RPS6KC1: variants seen among roughly 807,000 people sequenced by gnomAD.
The protein encoded by RPS6KC1 is ribosomal protein S6 kinase C1.
RPS6KC1 carries 54 observed loss-of-function variants against 103.8 expected under a neutral mutation model. The observed-to-expected ratio is 0.52, with a 90% confidence interval of 0.42 to 0.65. The LOEUF is 0.65. Among genes scored for constraint, RPS6KC1 ranks in the 30% least tolerant of loss-of-function variants. The pLI, the probability that RPS6KC1 is intolerant of heterozygous loss-of-function variation, is 0.00. For missense variants in RPS6KC1, 1,151 were observed against 1,253.8 expected (o/e 0.92, Z 1.24); for synonymous variants, 439 against 438.7 (o/e 1.00, Z -0.01).
the RPS6KC1 span, among the ~76,000 whole-genome samples, chr1:213,384,280 A>AT: frequency 2.8e-3 from 406 of 145,210 alleles, no homozygotes; most frequent in African/African-American, 0.011. Context: ...CATCTCAAAA[A>AT]AAAATATATA....
At chr1:213,338,776 T>TG in the RPS6KC1 span, among the ~76,000 whole-genome samples, 1 of 151,828 alleles carries the variant, frequency 6.6e-6, no homozygotes, top group Non-Finnish European at 1.5e-5. Flanking sequence ...AGCATTTTTT[T>TG]TTTTTTTTTT....
chr1:213,531,868 A>T, the RPS6KC1 span, among the ~76,000 whole-genome samples: 1 of 152,148 alleles, frequency 6.6e-6, no homozygotes, highest in Non-Finnish European at 1.5e-5. Context: ...CCACTGAGCA[A>T]TTCCAGTGCT....
chr1:213,630,846 G>T, the RPS6KC1 span, among the ~76,000 whole-genome samples: 144 of 152,346 alleles, frequency 9.5e-4, no homozygotes, highest in Non-Finnish European at 1.7e-3. Flanking sequence ...GTCCACTCCA[G>T]ACCCTGTTTT....
the RPS6KC1 span, among the ~76,000 whole-genome samples, chr1:213,406,173 G>T: frequency 6.6e-6 from 1 of 152,218 alleles, no homozygotes; most frequent in African/African-American, 2.4e-5. Context: ...CCACTGTGGG[G>T]TCGGAGTGTA....
the RPS6KC1 span, among the ~76,000 whole-genome samples, chr1:213,692,810 T>C: frequency 6.6e-6 from 1 of 152,236 alleles, no homozygotes. Context: ...CAGGTATTTC[T>C]ATCTATTGGG....
intron 1 of RPS6KC1, among the ~76,000 whole-genome samples, chr1:213,052,490 A>G (rs1475011773): frequency 1.3e-5 from 2 of 152,218 alleles, no homozygotes; most frequent in Non-Finnish European, 2.9e-5. Flanking sequence ...GGTACAGATT[A>G]AGTAACAGTA....
chr1:213,656,304 C>T, the RPS6KC1 span, among the ~76,000 whole-genome samples: 4 of 152,164 alleles, frequency 2.6e-5, no homozygotes, highest in East Asian at 1.9e-4. Flanking sequence ...GCACAAGGCT[C>T]GGGAGGGACA....
At chr1:213,062,725 T>G (rs1234004850) in intron 1 of RPS6KC1, among the ~76,000 whole-genome samples, 1 of 151,920 alleles carries the variant, frequency 6.6e-6, no homozygotes, top group East Asian at 1.9e-4. Flanking sequence ...CCCAGCTAAT[T>G]TTTGTATTTT....
the RPS6KC1 span, among the ~76,000 whole-genome samples, chr1:213,387,886 G>C: frequency 6.6e-6 from 1 of 152,342 alleles, no homozygotes; most frequent in East Asian, 1.9e-4. Context: ...ATTGTCTGTT[G>C]CTCCTTCCTG....
the RPS6KC1 span, among the ~76,000 whole-genome samples, chr1:213,395,299 G>A: frequency 6.6e-6 from 1 of 152,200 alleles, no homozygotes; most frequent in African/African-American, 2.4e-5. Flanking sequence ...ATGTGATCAT[G>A]TTTGTAAAGA....
chr1:213,596,274 C>T, the RPS6KC1 span, among the ~76,000 whole-genome samples: 1 of 152,188 alleles, frequency 6.6e-6, no homozygotes, highest in African/African-American at 2.4e-5. Context: ...TGGGGCTATG[C>T]CATGAGCTGA....
At chr1:213,804,204 C>A in the RPS6KC1 span, among the ~76,000 whole-genome samples, 7 of 138,366 alleles carry the variant, frequency 5.1e-5, no homozygotes, top group African/African-American at 1.9e-4. Context: ...AAAAACAACC[C>A]TTTCTCCTGG....
At chr1:213,297,241 T>C in the RPS6KC1 span, among the ~76,000 whole-genome samples, 1 of 152,214 alleles carries the variant, frequency 6.6e-6, no homozygotes, top group African/African-American at 2.4e-5. Context: ...AGACTGATCA[T>C]GTAGCTTCAC....
intron 6 of RPS6KC1, among the ~76,000 whole-genome samples, chr1:213,160,927 A>G (rs1179677386): frequency 6.6e-6 from 1 of 152,042 alleles, no homozygotes; most frequent in African/African-American, 2.4e-5. Flanking sequence ...CAGCAAACCA[A>G]CATGGCACAT....
the RPS6KC1 span, among the ~76,000 whole-genome samples, chr1:213,838,012 C>T: frequency 6.6e-6 from 1 of 151,994 alleles, no homozygotes; most frequent in Non-Finnish European, 1.5e-5. Context: ...TTCTTTACAC[C>T]TTTGTCTCTT....
chr1:213,132,544 T>C (rs1046038424), intron 6 of RPS6KC1, among the ~76,000 whole-genome samples: 10 of 152,232 alleles, frequency 6.6e-5, no homozygotes, highest in African/African-American at 2.4e-4. Flanking sequence ...AACAGACATA[T>C]GGACATTGTC....
At chr1:213,647,607 G>A in the RPS6KC1 span, among the ~76,000 whole-genome samples, 1,867 of 152,180 alleles carry the variant, frequency 0.012, 37 homozygotes, top group African/African-American at 0.043. Flanking sequence ...TAATCCTGAG[G>A]TTCCTTTCAG....
intron 5 of RPS6KC1, among the ~76,000 whole-genome samples, chr1:213,123,754 A>G (rs1572682410): frequency 6.6e-6 from 1 of 152,260 alleles, no homozygotes; most frequent in Non-Finnish European, 1.5e-5. Flanking sequence ...ACTAGGAAAA[A>G]TAGAAATTCC....
At chr1:213,502,902 G>C in the RPS6KC1 span, among the ~76,000 whole-genome samples, 1 of 150,362 alleles carries the variant, frequency 6.7e-6, no homozygotes, top group African/African-American at 2.4e-5. Flanking sequence ...ATAATAAAAA[G>C]TATGGGTTGA....
Sources: gnomAD v4.1 joint callset for allele counts (sites outside exome capture counted in the v4.1 genomes callset) on GRCh38, gnomAD v4.1.1 for gene constraint, MANE v1.5 for transcripts, NCBI Gene and HGNC (gene_info 2026-07-23, HGNC 2026-07-21) for gene names.